Variants in ZBTB46 observed in about 807,000 individuals in gnomAD.
The protein encoded by ZBTB46 is zinc finger and BTB domain-containing protein 46.
ZBTB46 carries 8 observed loss-of-function variants against 44.1 expected under a neutral mutation model. That is an observed-to-expected ratio of 0.18 (90% confidence interval 0.11 to 0.33). The LOEUF is 0.33. ZBTB46 is among the 10% of genes least tolerant of loss of function. The probability of loss-of-function intolerance (pLI) is 1.00; values close to 1 mark genes in which losing one functional copy is unlikely to be tolerated. For synonymous variants in ZBTB46, 409 were observed against 382.3 expected (o/e 1.07, Z -0.81); for missense variants, 651 against 847.7 (o/e 0.77, Z 2.88).
intron 3 of ZBTB46, among the ~76,000 whole-genome samples, chr20:63,763,247 GTTTT>G (rs1216177804): frequency 1.3e-5 from 2 of 152,210 alleles, no homozygotes; most frequent in Non-Finnish European, 2.9e-5. Context: ...CTATCATCTT[GTTTT>G]TTATTTGTCC....
chr20:63,793,292 T>C (rs151044252), intron 1 of ZBTB46, among the ~76,000 whole-genome samples: 3 of 152,096 alleles, frequency 2.0e-5, no homozygotes, highest in Non-Finnish European at 4.4e-5. Flanking sequence ...GAGGGGGTCA[T>C]GTGCTGAGGC....
intron 3 of ZBTB46, among the ~76,000 whole-genome samples, chr20:63,773,028 G>C (rs968029824): frequency 6.6e-6 from 1 of 152,170 alleles, no homozygotes; most frequent in East Asian, 1.9e-4. Context: ...TGTTCCCCAA[G>C]GTCAGACCTG....
In ZBTB46 at chr20:63,775,447, C is replaced by T. The variant is rs1351724190; in HGVS notation, c.1222+231G>A. The T allele has an allele frequency of 1.3e-5, 6 of 466,772 alleles. No homozygotes were observed. In the East Asian group the frequency reaches 1.7e-4, roughly 13 times the overall value. 28.9% of individuals were successfully genotyped at this position (466,772 alleles called of 1,614,324 possible). A position where few individuals can be genotyped will look rare whatever the true frequency, so the allele number is the denominator to read the frequency against. ...AGCACTCGGCTGCTCCCCTGCCCGC[C>T]GCGCTCACAACCGCGTCCATTCCCT... is the stretch of plus-strand genomic sequence containing the variant. On this transcript the variant is annotated intron_variant, in intron 3 of 4. Coordinates refer to ENST00000245663, the MANE Select transcript of ZBTB46 (RefSeq NM_001369741.1).
intron 3 of ZBTB46, among the ~76,000 whole-genome samples, chr20:63,763,328 C>T (rs2145810139): frequency 6.6e-6 from 1 of 152,220 alleles, no homozygotes; most frequent in South Asian, 2.1e-4. Flanking sequence ...TTGTATCGGG[C>T]CATTCTTGCA....
At position 63,743,985 on chromosome 20, in the gene ZBTB46, TTGTG is replaced by T. The variant is rs565250545; in HGVS notation, c.*2941_*2944del. 2 of 152,366 alleles carry T rather than the reference TTGTG, an allele frequency of 1.3e-5. No homozygotes were observed. Among genetic ancestry groups the T allele is most frequent in the African/African-American group, 4.9e-5 (2 of 41,164 alleles). 9.4% of individuals were successfully genotyped at this position (152,366 alleles called of 1,614,324 possible). Reference sequence around the variant, plus strand: ...ACAATCTTCAAACACTGCCCTTTTTTTGTGTGTTTTGTTTTTGTTGACAGGTTGA... The same window carrying T: ...ACAATCTTCAAACACTGCCCTTTTTTTGTTTTGTTTTTGTTGACAGGTTGA... On this transcript the variant is annotated 3_prime_UTR_variant, in exon 5 of 5. Coordinates refer to ENST00000245663, the MANE Select transcript of ZBTB46 (RefSeq NM_001369741.1).
chr20:63,802,110 C>T (rs935899545), intron 1 of ZBTB46, among the ~76,000 whole-genome samples: 2 of 152,062 alleles, frequency 1.3e-5, no homozygotes, highest in African/African-American at 4.8e-5. Flanking sequence ...TAGGTCATTG[C>T]AGATGCAATT....
intron 3 of ZBTB46, among the ~76,000 whole-genome samples, chr20:63,760,700 G>A (rs1015626420): frequency 1.3e-5 from 2 of 152,032 alleles, no homozygotes; most frequent in Admixed American, 6.6e-5. Flanking sequence ...CTCGTGATCC[G>A]CCTGCCTCGG....
intron 1 of ZBTB46, among the ~76,000 whole-genome samples, chr20:63,793,662 T>C (rs7261870): frequency 0.013 from 1,004 of 75,832 alleles, 10 homozygotes; most frequent in African/African-American, 0.053. Context: ...CCAGAGATTT[T>C]ATAGAAGCAG....
chr20:63,799,869 C>A (rs1202902443), intron 1 of ZBTB46, among the ~76,000 whole-genome samples: 1 of 152,150 alleles, frequency 6.6e-6, no homozygotes, highest in East Asian at 1.9e-4. Flanking sequence ...GCTGAGGGCA[C>A]ATGGAACGGT....
upstream of ZBTB46, among the ~76,000 whole-genome samples, chr20:63,831,807 C>T (rs1007894430): frequency 2.0e-5 from 3 of 151,428 alleles, no homozygotes; most frequent in Non-Finnish European, 3.0e-5. Flanking sequence ...CGCGGTTGCA[C>T]TGCGCGCGTC....
At chr20:63,748,251 G>A (rs965734381) in intron 4 of ZBTB46, among the ~76,000 whole-genome samples, 4 of 152,252 alleles carry the variant, frequency 2.6e-5, no homozygotes, top group East Asian at 3.8e-4. Context: ...TGCTGGGCCC[G>A]GCAGGGAGAT....
chr20:63,804,083 C>G (rs558067193), intron 1 of ZBTB46, among the ~76,000 whole-genome samples: 1 of 152,094 alleles, frequency 6.6e-6, no homozygotes, highest in Admixed American at 6.5e-5. Flanking sequence ...CCTGCGCTGT[C>G]CCATCTCAGC....
Position 63,747,082 on chromosome 20 carries a change from C to A in ZBTB46, c.1618G>T (p.Asp540Tyr), listed in dbSNP as rs1290756472. 25 of 1,609,196 alleles carry A rather than the reference C, an allele frequency of 1.6e-5. No individual in the cohort carries two copies. In the Admixed American group the frequency reaches 2.5e-4, roughly 16 times the overall value. The change falls in exon 5 of 5, where the codon GAC becomes TAC. Residue 540 changes from aspartate to tyrosine, a missense_variant. By Grantham distance (160) the Asp-to-Tyr change is radical (BLOSUM62 -3). Coordinates refer to ENST00000245663, the MANE Select transcript of ZBTB46 (RefSeq NM_001369741.1). ...AGCTCCTCCGCCTCCCCTCGTGGGTCCTCAGGGTCCTCCAGATAGGGCCCG... is the reference window on the plus strand; with the variant it reads ...AGCTCCTCCGCCTCCCCTCGTGGGTACTCAGGGTCCTCCAGATAGGGCCCG... ...GDGPYLEDPE[D>Y]PRGEAEELGE...
intron 1 of ZBTB46, among the ~76,000 whole-genome samples, chr20:63,830,229 A>G (rs4809368): frequency 0.079 from 12,042 of 152,260 alleles, 935 homozygotes; most frequent in East Asian, 0.45. Context: ...GGCCAGGGGA[A>G]CCCCAACTAG....
At chr20:63,773,826 C>T (rs1024754297) in intron 3 of ZBTB46, among the ~76,000 whole-genome samples, 4 of 152,186 alleles carry the variant, frequency 2.6e-5, no homozygotes, top group South Asian at 2.1e-4. Flanking sequence ...ACCGGCTGGC[C>T]GACTGCAGGA....
At chr20:63,770,150 T>A (rs1306855118) in intron 3 of ZBTB46, among the ~76,000 whole-genome samples, 1 of 152,252 alleles carries the variant, frequency 6.6e-6, no homozygotes, top group South Asian at 2.1e-4. Flanking sequence ...TACAGTCTCC[T>A]GTCCCCGGCC....
At chr20:63,761,768 C>T (rs192420984) in intron 3 of ZBTB46, among the ~76,000 whole-genome samples, 36 of 133,012 alleles carry the variant, frequency 2.7e-4, no homozygotes, top group Admixed American at 1.4e-3. Flanking sequence ...GGTGACAGAG[C>T]GAGACTCTGC....
intron 2 of ZBTB46, among the ~76,000 whole-genome samples, chr20:63,781,160 A>AAG (rs1555845410): frequency 2.8e-5 from 4 of 143,890 alleles, no homozygotes; most frequent in African/African-American, 7.6e-5. Flanking sequence ...AAAAAAAAAA[A>AAG]AAAGAAAGAA....
At chr20:63,771,565 C>T (rs1008288856) in intron 3 of ZBTB46, among the ~76,000 whole-genome samples, 3 of 152,308 alleles carry the variant, frequency 2.0e-5, no homozygotes, top group Non-Finnish European at 4.4e-5. Flanking sequence ...GGGGCTACGC[C>T]GTGAACTCTG....
Sources: gnomAD v4.1 joint callset for allele counts (sites outside exome capture counted in the v4.1 genomes callset) on GRCh38, gnomAD v4.1.1 for gene constraint, MANE v1.5 for transcripts, NCBI Gene and HGNC (gene_info 2026-07-23, HGNC 2026-07-21) for gene names.